The following DOCK10 variants were observed in gnomAD, a reference collection of about 807,000 sequenced individuals.
DOCK10 encodes dedicator of cytokinesis protein 10.
Under a neutral mutation model 280.1 loss-of-function variants are expected in DOCK10, and 145 were observed. The ratio of observed to expected loss-of-function variants is 0.52; its 90% CI spans 0.45 to 0.59. The LOEUF (loss-of-function observed/expected upper bound fraction) is 0.59, where lower values mean the gene tolerates loss of function less well. Among genes scored for constraint, DOCK10 ranks in the 20% least tolerant of loss-of-function variants. The pLI, the probability that DOCK10 is intolerant of heterozygous loss-of-function variation, is 0.00. For synonymous variants in DOCK10, 915 were observed against 942.2 expected, an observed-to-expected ratio of 0.97 and a Z score of 0.53; for missense variants, 2,368 against 2,651.7, an observed-to-expected ratio of 0.89 and a Z score of 2.35.
intron 26 of DOCK10, 88 bp from the exon 27 acceptor site, chr2:224,830,700 A>G (rs1695168622): frequency 6.3e-6 from 4 of 633,858 alleles, no homozygotes; most frequent in African/African-American, 1.9e-5. Flanking sequence ...ATACTATAAC[A>G]TTGTTATGTT....
intron 1 of DOCK10, among the ~76,000 whole-genome samples, chr2:224,941,842 T>C (rs1575092343): frequency 1.1e-5 from 1 of 94,580 alleles, no homozygotes; most frequent in African/African-American, 6.6e-5. Flanking sequence ...AGCCTCCATC[T>C]CAAAAAAAAA....
intron 3 of DOCK10, among the ~76,000 whole-genome samples, chr2:224,900,006 T>C (rs1700202644): frequency 2.6e-5 from 4 of 152,212 alleles, no homozygotes; most frequent in Admixed American, 2.6e-4. Context: ...ATTCACAATA[T>C]TGGACTGGAT....
At chr2:224,921,105 A>AT (rs1559767494) in intron 2 of DOCK10, among the ~76,000 whole-genome samples, 31 of 63,414 alleles carry the variant, frequency 4.9e-4, no homozygotes, top group African/African-American at 1.6e-3. Flanking sequence ...AAAAAAAAAA[A>AT]AAAAAAAATA....
At chr2:224,817,877 T>A (rs74939468) in intron 29 of DOCK10, among the ~76,000 whole-genome samples, 1,931 of 152,328 alleles carry the variant, frequency 0.013, 30 homozygotes, top group African/African-American at 0.044. Flanking sequence ...TCATGATTTA[T>A]TTTTGGCTGG....
chr2:224,940,512 G>T (rs1285255638), intron 1 of DOCK10, among the ~76,000 whole-genome samples: 1 of 152,162 alleles, frequency 6.6e-6, no homozygotes, highest in Non-Finnish European at 1.5e-5. Context: ...TTTAGGTTTG[G>T]TAAACTCCTG....
rs766594140 is a variant in DOCK10 at position 224,797,165 on chromosome 2, G to A, written c.4645-19C>T. On this transcript the variant is annotated intron_variant, in intron 42 of 55. Transcript: ENST00000258390. The stretch of plus-strand genomic sequence containing the variant: ...AAGGAAACTGCAGAAATGGAAGAAC[G>A]GGTGAAGGGAGCAACATGCCTTCAT... 1.1e-5 allele frequency: 18 copies of A among 1,579,056 alleles called. No individual in the cohort carries two copies. The highest frequency in any genetic ancestry group is 2.7e-5 in the African/African-American group (2 of 73,350).
intron 27 of DOCK10, among the ~76,000 whole-genome samples, chr2:224,828,806 A>G (rs1281777391): frequency 6.6e-6 from 1 of 152,220 alleles, no homozygotes; most frequent in Non-Finnish European, 1.5e-5. Context: ...GAGCTGGTTA[A>G]TGATGACTGG....
intron 3 of DOCK10, among the ~76,000 whole-genome samples, chr2:224,903,055 G>A (rs954059883): frequency 4.6e-5 from 7 of 152,276 alleles, no homozygotes; most frequent in South Asian, 2.1e-4. Context: ...CCGAGATTGC[G>A]CCACTGCTCT....
chr2:224,870,489 A>G lies in DOCK10; in HGVS notation c.1257+3507T>C, dbSNP rs552576175. ...GCATTCCATGGGAGCTGCTCTTGCC[A>G]TAGTCATCAACATCCTCCACTTTGC... On this transcript the variant is annotated intron_variant, in intron 11 of 55. Coordinates refer to ENST00000258390, the MANE Select transcript of DOCK10 (RefSeq NM_014689.3). Among the ~76,000 whole-genome samples the G allele has an allele frequency of 4.6e-5, 7 of 152,280 alleles. No homozygotes were observed. The South Asian group carries it at 1.5e-3, about 32-fold the overall frequency.
At chr2:224,919,018 C>G (rs749275100) in intron 2 of DOCK10, among the ~76,000 whole-genome samples, 1 of 117,222 alleles carries the variant, frequency 8.5e-6, no homozygotes. Context: ...GATGTATATA[C>G]GCACAGGGTG....
chr2:224,843,702 A>T (rs1696138214), intron 22 of DOCK10, among the ~76,000 whole-genome samples: 1 of 152,192 alleles, frequency 6.6e-6, no homozygotes, highest in African/African-American at 2.4e-5. Flanking sequence ...AGAAATACAT[A>T]TTTTATGTAC....
At chr2:224,922,296 A>G (rs936389474) in intron 2 of DOCK10, among the ~76,000 whole-genome samples, 2 of 152,232 alleles carry the variant, frequency 1.3e-5, no homozygotes, top group Non-Finnish European at 2.9e-5. Flanking sequence ...TAATATGGTT[A>G]CAAAGAATTT....
intron 3 of DOCK10, among the ~76,000 whole-genome samples, chr2:224,906,488 G>A (rs1435278979): frequency 6.6e-6 from 1 of 152,008 alleles, no homozygotes; most frequent in East Asian, 1.9e-4. Flanking sequence ...TTTTTAGATG[G>A]AATCTCACTC....
intron 45 of DOCK10, among the ~76,000 whole-genome samples, chr2:224,793,908 G>A (rs568606248): frequency 3.2e-4 from 49 of 152,058 alleles, no homozygotes; most frequent in Non-Finnish European, 6.6e-4. Context: ...GTCACCTCAC[G>A]AGTACTTGAT....
chr2:225,021,174 C>T (rs1343527561), intron 1 of DOCK10, among the ~76,000 whole-genome samples: 4 of 152,298 alleles, frequency 2.6e-5, no homozygotes, highest in African/African-American at 9.6e-5. Flanking sequence ...AAATTGAGCC[C>T]ATGTCCCAAG....
intron 1 of DOCK10, among the ~76,000 whole-genome samples, chr2:225,016,701 A>G (rs1414257746): frequency 6.8e-6 from 1 of 147,018 alleles, no homozygotes; most frequent in African/African-American, 2.5e-5. Flanking sequence ...GTGTATATAT[A>G]TAGACATAAT....
Position 224,833,655 on chromosome 2 carries a change from A to ATCTC in DOCK10, c.2964+491_2964+494dup, listed in dbSNP as rs57683084. Among the ~76,000 whole-genome samples the ATCTC allele has an allele frequency of 1.3e-3, 200 of 149,234 alleles. 1 individual carries two copies. The highest frequency in any genetic ancestry group is 2.9e-3 in the African/African-American group (117 of 40,626). The stretch of plus-strand genomic sequence containing the variant: ...TCTAACATACAATATCTATCTATGT[A>ATCTC]TCTCTCTCTCTCTCTCTCTCTGGTC... On this transcript the variant is annotated intron_variant, in intron 26 of 55. Transcript: ENST00000258390.
At chr2:224,844,714 G>T in intron 22 of DOCK10, 39 bp downstream of exon 22, 2 of 1,266,052 alleles carry the variant, frequency 1.6e-6, no homozygotes, top group Non-Finnish European at 2.3e-6. Context: ...GATGCTGTGA[G>T]TTAGAGAAGA....
chr2:225,024,665 G>A (rs1014925371), intron 1 of DOCK10, among the ~76,000 whole-genome samples: 8 of 151,862 alleles, frequency 5.3e-5, no homozygotes, highest in Admixed American at 1.3e-4. Flanking sequence ...CGAGGTGGGC[G>A]GATGCCAGGA....
Sources: allele counts gnomAD v4.1 joint callset (sites outside exome capture counted in the v4.1 genomes callset), GRCh38; gene constraint gnomAD v4.1.1; transcripts MANE v1.5; gene names NCBI Gene and HGNC (gene_info 2026-07-23, HGNC 2026-07-21).